Variants in TTC7B observed in about 807,000 individuals in gnomAD.
The protein encoded by TTC7B is tetratricopeptide repeat domain 7B.
In TTC7B, 28 loss-of-function variants were observed where a neutral mutation model predicts 106.8. The ratio of observed to expected loss-of-function variants is 0.26; its 90% CI spans 0.19 to 0.36. The LOEUF is 0.36. Among genes scored for constraint, TTC7B ranks in the 10% least tolerant of loss-of-function variants. The pLI, the probability that TTC7B is intolerant of heterozygous loss-of-function variation, is 1.00. For synonymous variants in TTC7B, 405 were observed against 430.6 expected, an observed-to-expected ratio of 0.94 and a Z score of 0.74; for missense variants, 862 against 1,076.4, an observed-to-expected ratio of 0.80 and a Z score of 2.79.
intron 19 of TTC7B, among the ~76,000 whole-genome samples, chr14:90,554,558 G>C (rs1466533341): frequency 6.6e-6 from 1 of 152,172 alleles, no homozygotes; most frequent in African/African-American, 2.4e-5. Context: ...CAGGTGCGGG[G>C]AACTCAGTGG....
At chr14:90,670,232 A>G (rs1886579726) in intron 9 of TTC7B, among the ~76,000 whole-genome samples, 1 of 152,254 alleles carries the variant, frequency 6.6e-6, no homozygotes, top group African/African-American at 2.4e-5. Context: ...CATTAGGCTA[A>G]GTGAAGCAAG....
At chr14:90,661,371 G>A (rs984211982) in intron 9 of TTC7B, among the ~76,000 whole-genome samples, 1 of 152,230 alleles carries the variant, frequency 6.6e-6, no homozygotes, top group Non-Finnish European at 1.5e-5. Context: ...CAGCGGGGAG[G>A]CAGAAATGAA....
chr14:90,606,066 C>A (rs1188063980), intron 17 of TTC7B, among the ~76,000 whole-genome samples: 2 of 152,178 alleles, frequency 1.3e-5, no homozygotes, highest in African/African-American at 4.8e-5. Context: ...CTACAATATC[C>A]AGAACATTCT....
At chr14:90,596,007 A>C (rs1892186839) in intron 17 of TTC7B, among the ~76,000 whole-genome samples, 1 of 152,210 alleles carries the variant, frequency 6.6e-6, no homozygotes, top group Admixed American at 6.5e-5. Flanking sequence ...AGGGGTTCTT[A>C]GACTTTTTGG....
chr14:90,683,085 G>T (rs887056020), intron 7 of TTC7B, among the ~76,000 whole-genome samples: 10 of 152,132 alleles, frequency 6.6e-5, no homozygotes, highest in African/African-American at 2.2e-4. Flanking sequence ...TCATACAAAA[G>T]AAATTAATCC....
rs577646050 is a variant in TTC7B at position 90,575,010 on chromosome 14, C to T, written c.2310+3096G>A. Among the ~76,000 whole-genome samples, 3 of 152,334 alleles carry T rather than the reference C, an allele frequency of 2.0e-5. No homozygotes were observed. Among genetic ancestry groups the T allele is most frequent in the South Asian group, 2.1e-4 (1 of 4,832 alleles). On this transcript the variant is annotated intron_variant, in intron 19 of 19. Coordinates refer to ENST00000328459, the MANE Select transcript of TTC7B (RefSeq NM_001010854.2). This position sits in a 1 kb window ranked among gnomAD's most constrained non-coding sequence, Gnocchi z 5.2. ...ACCCTGGCCTCCCTGGCCTCCCCCT[C>T]GCCGCTCTCCCTGTGTGCCAGGCAA...
At chr14:90,664,489 T>C (rs1358506315) in intron 9 of TTC7B, among the ~76,000 whole-genome samples, 1 of 152,214 alleles carries the variant, frequency 6.6e-6, no homozygotes, top group Non-Finnish European at 1.5e-5. Flanking sequence ...CAGGCTGGTC[T>C]TGGACTCCTG....
intron 6 of TTC7B, among the ~76,000 whole-genome samples, chr14:90,694,553 T>A (rs1032683057): frequency 1.5e-5 from 2 of 132,872 alleles, no homozygotes; most frequent in Non-Finnish European, 3.3e-5. Flanking sequence ...TTGCGCAAGT[T>A]CACAAGCCCA....
chr14:90,557,552 C>G (rs1566768301), intron 19 of TTC7B, among the ~76,000 whole-genome samples: 1 of 152,248 alleles, frequency 6.6e-6, no homozygotes, highest in Non-Finnish European at 1.5e-5. Flanking sequence ...TGAGTGGCAG[C>G]AGCCAACGCA....
chr14:90,769,130 T>C (rs1890781812), intron 3 of TTC7B, among the ~76,000 whole-genome samples: 1 of 152,144 alleles, frequency 6.6e-6, no homozygotes. Flanking sequence ...AACTTTAAGA[T>C]ATCAAATGGA....
intron 13 of TTC7B, among the ~76,000 whole-genome samples, chr14:90,650,757 C>T (rs933383310): frequency 1.3e-5 from 2 of 152,220 alleles, no homozygotes; most frequent in Admixed American, 6.5e-5. Context: ...TCAGCATCTT[C>T]AGAAGCTTTG....
chr14:90,567,274 C>T (rs987449390), intron 19 of TTC7B, among the ~76,000 whole-genome samples: 3 of 152,346 alleles, frequency 2.0e-5, no homozygotes, highest in East Asian at 1.9e-4. Flanking sequence ...GCTCGTCTAT[C>T]GACGCTGAGG....
chr14:90,531,438 A>G lies in TTC7B; in HGVS notation c.*9930T>C, dbSNP rs376306221. The G allele has an allele frequency of 2.6e-5, 4 of 151,148 alleles. No homozygotes were observed. The highest frequency in any genetic ancestry group is 5.9e-5 in the Non-Finnish European group (4 of 67,890). The allele number at this position is 151,148 out of a possible 1,614,324, so 9.4% of individuals were successfully genotyped here. On this transcript the variant is annotated 3_prime_UTR_variant, in exon 20 of 20. Transcript: ENST00000328459. ...CAAAAAATCAAAAATACAAAACAAA[A>G]AAACAAACAAAAAAAAAACAAAAAA...
intron 16 of TTC7B, among the ~76,000 whole-genome samples, chr14:90,614,454 T>G (rs1410341609): frequency 6.6e-6 from 1 of 152,228 alleles, no homozygotes; most frequent in Non-Finnish European, 1.5e-5. Flanking sequence ...AACAGGACTT[T>G]GAATCACCTG....
rs1199536728 is a variant in TTC7B, at chr14:90,578,412, G to A, written c.2108-104C>T. ...TGTTCCCTGCACGGGAGTCTGGCGG[G>A]GCGCAGAGCCAGCTGATCCCTGCTC... is the stretch of plus-strand genomic sequence containing the variant. On this transcript the variant is annotated intron_variant, in intron 18 of 19. Coordinates refer to ENST00000328459, the MANE Select transcript of TTC7B (RefSeq NM_001010854.2). The surrounding 1 kb of genome is among the most constrained non-coding windows in gnomAD (Gnocchi z 4.7). The A allele has an allele frequency of 2.5e-6, 3 of 1,221,730 alleles. No individual in the cohort carries two copies. Among genetic ancestry groups the A allele is most frequent in the African/African-American group, 3.0e-5 (2 of 67,202 alleles). 75.7% of individuals were successfully genotyped at this position (1,221,730 alleles called of 1,614,324 possible).
rs377074059 is a variant in TTC7B, at chr14:90,569,291, A to G, written c.2310+8815T>C. Among the ~76,000 whole-genome samples the G allele has an allele frequency of 4.6e-5, 7 of 152,366 alleles. No homozygotes were observed. The South Asian group carries it at 1.4e-3, about 32-fold the overall frequency. ...AGAAGAAACTCCCTCTCCCCGGACC[A>G]GGATGGGAGGAAGATCCTGCCTTGT... On this transcript the variant is annotated intron_variant, in intron 19 of 19. Transcript: ENST00000328459.
intron 18 of TTC7B, among the ~76,000 whole-genome samples, chr14:90,587,182 C>G (rs1372416302): frequency 6.6e-6 from 1 of 152,164 alleles, no homozygotes; most frequent in African/African-American, 2.4e-5. Flanking sequence ...GCTATGTTGC[C>G]CAGGCCGGAC....
chr14:90,728,147 C>T (rs1158086841), intron 5 of TTC7B, among the ~76,000 whole-genome samples: 1 of 152,032 alleles, frequency 6.6e-6, no homozygotes, highest in East Asian at 1.9e-4. Flanking sequence ...GTTGCACCGT[C>T]CCAGCCTTGA....
chr14:90,730,906 C>A (rs888445212), intron 4 of TTC7B, among the ~76,000 whole-genome samples: 1 of 152,214 alleles, frequency 6.6e-6, no homozygotes, highest in African/African-American at 2.4e-5. Flanking sequence ...AGGAGGAAGA[C>A]TTGCAAGTTG....
Sources: gnomAD v4.1 joint callset for allele counts (sites outside exome capture counted in the v4.1 genomes callset) on GRCh38, gnomAD v4.1.1 for gene constraint, Gnocchi (gnomAD v3.1) non-coding constraint, MANE v1.5 for transcripts, NCBI Gene and HGNC (gene_info 2026-07-23, HGNC 2026-07-21) for gene names.